The following PDK1 variants were observed in gnomAD, a reference collection of about 807,000 sequenced individuals.
PDK1 encodes the protein pyruvate dehydrogenase kinase 1, also known as [Pyruvate dehydrogenase (acetyl-transferring)] kinase isozyme 1, mitochondrial.
In PDK1, 39 loss-of-function variants were observed where a neutral mutation model predicts 54.2. That is an observed-to-expected ratio of 0.72 (90% CI 0.56 to 0.94). The LOEUF is 0.94. Ranked by LOEUF, PDK1 falls within the 40% of genes least tolerant of loss-of-function variation. The pLI, the probability that PDK1 is intolerant of heterozygous loss-of-function variation, is 0.00. For missense variants in PDK1, 552 were observed against 566.0 expected (o/e 0.98, Z 0.25); for synonymous variants, 221 against 207.1 (o/e 1.07, Z -0.58).
chr2:172,628,031 G>A, the PDK1 span, among the ~76,000 whole-genome samples: 5 of 152,240 alleles, frequency 3.3e-5, no homozygotes, highest in South Asian at 8.3e-4. Flanking sequence ...CAAACCAATT[G>A]CAAATCAGAA....
At chr2:172,593,666 TACAA>T (rs2149297271) in intron 10 of PDK1, among the ~76,000 whole-genome samples, 2 of 152,330 alleles carry the variant, frequency 1.3e-5, no homozygotes, top group Non-Finnish European at 2.9e-5. Flanking sequence ...GACAGAATTG[TACAA>T]ACAGATTTGG....
At chr2:172,586,628 CAGT>C (rs780687057) in intron 9 of PDK1, among the ~76,000 whole-genome samples, 3 of 152,034 alleles carry the variant, frequency 2.0e-5, no homozygotes, top group East Asian at 1.9e-4. Context: ...CGTGATATAG[CAGT>C]AGTTTTCCTG....
the PDK1 span, among the ~76,000 whole-genome samples, chr2:172,704,451 G>A: frequency 1.3e-5 from 2 of 152,174 alleles, no homozygotes; most frequent in Non-Finnish European, 2.9e-5. Context: ...AGCTTAAGGG[G>A]TACATTGAGA....
chr2:172,639,944 G>A, the PDK1 span, among the ~76,000 whole-genome samples: 1 of 152,216 alleles, frequency 6.6e-6, no homozygotes, highest in African/African-American at 2.4e-5. Flanking sequence ...GTTTTAGTCT[G>A]CGTAGACAGG....
chr2:172,667,226 G>C, the PDK1 span, among the ~76,000 whole-genome samples: 2 of 152,150 alleles, frequency 1.3e-5, no homozygotes, highest in Admixed American at 6.6e-5. Flanking sequence ...GGACTGGGGT[G>C]GTCAGAAAGC....
the PDK1 span, among the ~76,000 whole-genome samples, chr2:172,667,420 G>A: frequency 2.0e-5 from 3 of 152,166 alleles, no homozygotes; most frequent in Non-Finnish European, 4.4e-5. Flanking sequence ...GAGGGATACA[G>A]TTTCACAGAG....
At chr2:172,682,040 T>C in the PDK1 span, among the ~76,000 whole-genome samples, 1 of 152,220 alleles carries the variant, frequency 6.6e-6, no homozygotes, top group Non-Finnish European at 1.5e-5. Flanking sequence ...ATTAAAGGCG[T>C]GAGCCACCAC....
chr2:172,689,937 T>C, the PDK1 span, among the ~76,000 whole-genome samples: 24 of 150,414 alleles, frequency 1.6e-4, 4 homozygotes, highest in East Asian at 3.9e-3. Context: ...GACATAGGCA[T>C]GGGCAAGGAC....
At chr2:172,585,719 T>C in intron 8 of PDK1, among the ~76,000 whole-genome samples, 1 of 152,184 alleles carries the variant, frequency 6.6e-6, no homozygotes. Context: ...TATAATGCAC[T>C]GTTAATGAGA....
chr2:172,645,099 TG>T, the PDK1 span, among the ~76,000 whole-genome samples: 1 of 152,056 alleles, frequency 6.6e-6, no homozygotes, highest in African/African-American at 2.4e-5. Flanking sequence ...TTTTAAACAC[TG>T]GGTATCTTGA....
At chr2:172,670,358 TTATAA>T in the PDK1 span, among the ~76,000 whole-genome samples, 1 of 152,234 alleles carries the variant, frequency 6.6e-6, no homozygotes, top group Non-Finnish European at 1.5e-5. Flanking sequence ...ATATTGACAA[TTATAA>T]TTTAATTTAT....
chr2:172,698,327 A>T, the PDK1 span, among the ~76,000 whole-genome samples: 1 of 152,074 alleles, frequency 6.6e-6, no homozygotes, highest in East Asian at 1.9e-4. Flanking sequence ...AAAATATAGC[A>T]TAAGTTTGGG....
chr2:172,647,390 T>C, the PDK1 span, among the ~76,000 whole-genome samples: 2 of 152,096 alleles, frequency 1.3e-5, no homozygotes, highest in South Asian at 2.1e-4. Context: ...GAGGAGCATA[T>C]GCTGAAAAGA....
the PDK1 span, among the ~76,000 whole-genome samples, chr2:172,641,273 C>T: frequency 2.6e-5 from 4 of 151,926 alleles, no homozygotes; most frequent in East Asian, 3.9e-4. Flanking sequence ...ACTATAGGCA[C>T]GAATCATCAC....
At chr2:172,589,308 C>T (rs1032001527) in intron 9 of PDK1, among the ~76,000 whole-genome samples, 1 of 152,174 alleles carries the variant, frequency 6.6e-6, no homozygotes, top group Non-Finnish European at 1.5e-5. Flanking sequence ...AAACTAATTA[C>T]ATAGGTGTAG....
intron 8 of PDK1, among the ~76,000 whole-genome samples, chr2:172,573,638 G>A (rs1200437278): frequency 2.0e-5 from 3 of 147,132 alleles, no homozygotes; most frequent in Non-Finnish European, 4.5e-5. Flanking sequence ...CTATGTGTGT[G>A]TATATATATA....
intron 5 of PDK1, 36 bp downstream of exon 5, chr2:172,565,109 CAAAAATCA>C (rs760641414): frequency 1.7e-6 from 2 of 1,204,764 alleles, no homozygotes; most frequent in East Asian, 4.7e-5. Flanking sequence ...AAAAAAGATA[CAAAAATCA>C]AAATTATTGT....
the PDK1 span, among the ~76,000 whole-genome samples, chr2:172,658,734 C>T: frequency 6.6e-6 from 1 of 152,138 alleles, no homozygotes; most frequent in African/African-American, 2.4e-5. Context: ...CTTATGCAGT[C>T]AAGATAAGGA....
At chr2:172,628,227 G>A in the PDK1 span, among the ~76,000 whole-genome samples, 1 of 152,150 alleles carries the variant, frequency 6.6e-6, no homozygotes, top group Non-Finnish European at 1.5e-5. Flanking sequence ...CTAGTCATAG[G>A]GAAGGTCAAG....
Sources: allele counts gnomAD v4.1 joint callset (sites outside exome capture counted in the v4.1 genomes callset), GRCh38; gene constraint gnomAD v4.1.1; transcripts MANE v1.5; gene names NCBI Gene and HGNC (gene_info 2026-07-23, HGNC 2026-07-21).